The following SYN2 variants were observed in gnomAD, a reference collection of about 807,000 sequenced individuals.
SYN2 encodes synapsin II.
A neutral mutation model predicts 50.9 loss-of-function variants in SYN2; 19 were observed. That is an observed-to-expected ratio of 0.37 (90% CI 0.26 to 0.55). The LOEUF (loss-of-function observed/expected upper bound fraction) is 0.55. SYN2 is among the 20% of genes least tolerant of loss of function. The pLI, the probability that SYN2 is intolerant of heterozygous loss-of-function variation, is 0.81. For synonymous variants in SYN2, 255 were observed against 224.9 expected, an observed-to-expected ratio of 1.13 and a Z score of -1.20; for missense variants, 587 against 576.4, an observed-to-expected ratio of 1.02 and a Z score of -0.19.
chr3:12,069,950 G>T (rs1695308190), intron 1 of SYN2, among the ~76,000 whole-genome samples: 1 of 151,876 alleles, frequency 6.6e-6, no homozygotes, highest in Non-Finnish European at 1.5e-5. Context: ...GGGACCACAG[G>T]CACACACCAC....
intron 3 of SYN2, 148 bp downstream of exon 3, chr3:12,142,144 A>G: frequency 1.7e-6 from 1 of 584,648 alleles, no homozygotes; most frequent in Non-Finnish European, 3.1e-6. Context: ...GTTGTGCAGA[A>G]ATAGTAGAAA....
intron 1 of SYN2, among the ~76,000 whole-genome samples, chr3:12,085,124 A>T (rs1219300578): frequency 4.4e-5 from 6 of 136,628 alleles, no homozygotes; most frequent in Non-Finnish European, 9.5e-5. Context: ...AAAAAAAAAA[A>T]TATGTTGCCT....
chr3:12,095,719 A>G (rs1559417841), intron 1 of SYN2, among the ~76,000 whole-genome samples: 1 of 149,058 alleles, frequency 6.7e-6, no homozygotes, highest in Non-Finnish European at 1.5e-5. Context: ...TCTTTTCATC[A>G]TCATTCCCCC....
intron 10 of SYN2, among the ~76,000 whole-genome samples, chr3:12,177,965 T>C (rs1698122385): frequency 6.6e-6 from 1 of 152,210 alleles, no homozygotes; most frequent in Non-Finnish European, 1.5e-5. Context: ...GGCTCATCCC[T>C]GGGCACCTTT....
intron 1 of SYN2, chr3:12,071,518 C>A: frequency 2.7e-6 from 1 of 376,128 alleles, no homozygotes; most frequent in Non-Finnish European, 5.3e-6. Context: ...GATATCAGCA[C>A]TTGATTGTAG....
intron 1 of SYN2, among the ~76,000 whole-genome samples, chr3:12,099,097 T>G (rs1166302743): frequency 6.6e-6 from 1 of 151,978 alleles, no homozygotes; most frequent in Admixed American, 6.6e-5. Flanking sequence ...AGGGAAAAAT[T>G]GACAATTCAA....
chr3:12,093,377 C>A lies in SYN2; in HGVS notation c.378-47274C>A, dbSNP rs117029412. 4.7e-4 allele frequency among the ~76,000 whole-genome samples: 72 copies of A among 152,220 alleles called. No individual in the cohort carries two copies. The East Asian group carries it at 0.013, about 28-fold the overall frequency. ...AGAAATGCAAGGTAGAAAAAGATGA[C>A]TGACATCATTAGACCCACTTTGACA... On this transcript the variant is annotated intron_variant, in intron 1 of 12. Transcript: ENST00000621198.
intron 1 of SYN2, among the ~76,000 whole-genome samples, chr3:12,026,067 C>T (rs1694252248): frequency 6.6e-6 from 1 of 152,098 alleles, no homozygotes; most frequent in South Asian, 2.1e-4. Flanking sequence ...CCACATTTTC[C>T]TTGTCTTGGC....
chr3:12,013,906 T>C (rs1559385856), intron 1 of SYN2, among the ~76,000 whole-genome samples: 1 of 152,166 alleles, frequency 6.6e-6, no homozygotes, highest in Admixed American at 6.5e-5. Flanking sequence ...CATACACACA[T>C]TGTTGCATTC....
intron 1 of SYN2, among the ~76,000 whole-genome samples, chr3:12,038,756 G>T (rs928639225): frequency 1.3e-5 from 2 of 152,016 alleles, no homozygotes; most frequent in Non-Finnish European, 2.9e-5. Flanking sequence ...TATATTGATT[G>T]TGTATCCTGC....
At chr3:12,092,901 A>G (rs1695859250) in intron 1 of SYN2, among the ~76,000 whole-genome samples, 1 of 152,192 alleles carries the variant, frequency 6.6e-6, no homozygotes, top group Admixed American at 6.5e-5. Context: ...ATCTCTGAGA[A>G]TAGCTTTATC....
At chr3:12,133,718 A>G (rs1161376110) in intron 1 of SYN2, among the ~76,000 whole-genome samples, 2 of 152,240 alleles carry the variant, frequency 1.3e-5, no homozygotes, top group African/African-American at 2.4e-5. Flanking sequence ...CAGAGAAAGC[A>G]GCCTCTCAGA....
chr3:12,005,239 GA>G (rs575328331), intron 1 of SYN2, among the ~76,000 whole-genome samples: 5 of 152,298 alleles, frequency 3.3e-5, no homozygotes, highest in African/African-American at 1.2e-4. Context: ...TTTGGGGGTA[GA>G]GGAGGGGACA....
intron 1 of SYN2, among the ~76,000 whole-genome samples, chr3:12,122,511 A>G (rs1361304612): frequency 6.6e-6 from 1 of 152,208 alleles, no homozygotes; most frequent in Non-Finnish European, 1.5e-5. Context: ...TTCACAAGAC[A>G]GAGTTAAAGC....
intron 1 of SYN2, among the ~76,000 whole-genome samples, chr3:12,094,469 G>A (rs142903829): frequency 2.2e-4 from 34 of 152,296 alleles, no homozygotes; most frequent in African/African-American, 7.5e-4. Flanking sequence ...AGGAGACTTG[G>A]CCTCAGAAAG....
chr3:12,120,834 T>C (rs1170689327), intron 1 of SYN2, among the ~76,000 whole-genome samples: 1 of 152,198 alleles, frequency 6.6e-6, no homozygotes, highest in African/African-American at 2.4e-5. Flanking sequence ...CCCAGAATGC[T>C]GTGAATTTCT....
At chr3:12,154,290 C>A in intron 5 of SYN2, 1 of 1,613,762 alleles carries the variant, frequency 6.2e-7, no homozygotes, top group South Asian at 1.1e-5. Flanking sequence ...AACCCTTCCC[C>A]CATCCCTAAA....
chr3:12,130,131 AGTGT>A (rs144774071), intron 1 of SYN2, among the ~76,000 whole-genome samples: 2,466 of 150,454 alleles, frequency 0.016, 58 homozygotes, highest in African/African-American at 0.057. Flanking sequence ...TAGCAGCCCA[AGTGT>A]GTGTGTGTGT....
At chr3:12,068,682 G>C in intron 1 of SYN2, among the ~76,000 whole-genome samples, 1 of 150,912 alleles carries the variant, frequency 6.6e-6, no homozygotes, top group African/African-American at 2.5e-5. Flanking sequence ...TTTCATTTCT[G>C]AGTTTTTTTT....
Sources: gnomAD v4.1 joint callset for allele counts (sites outside exome capture counted in the v4.1 genomes callset) on GRCh38, gnomAD v4.1.1 for gene constraint, MANE v1.5 for transcripts, NCBI Gene and HGNC (gene_info 2026-07-23, HGNC 2026-07-21) for gene names.